PDE3B: variants seen among roughly 807,000 people sequenced by gnomAD.
The protein encoded by PDE3B is phosphodiesterase 3B.
Under a neutral mutation model 116.8 loss-of-function variants are expected in PDE3B, and 66 were observed. That is an observed-to-expected ratio of 0.56 (90% confidence interval 0.46 to 0.69). PDE3B has a LOEUF of 0.69. PDE3B is among the 30% of genes least tolerant of loss of function. The pLI is 0.00. For synonymous variants in PDE3B, 595 were observed against 533.6 expected, an observed-to-expected ratio of 1.12 and a Z score of -1.59; for missense variants, 1,384 against 1,368.1, an observed-to-expected ratio of 1.01 and a Z score of -0.18.
At chr11:14,778,127 C>T (rs940737751) in intron 2 of PDE3B, among the ~76,000 whole-genome samples, 10 of 152,130 alleles carry the variant, frequency 6.6e-5, no homozygotes, top group African/African-American at 2.4e-4. Flanking sequence ...GAGGGGTGCC[C>T]ACCATTGCTG....
At chr11:14,796,962 G>A (rs375547396) in intron 4 of PDE3B, among the ~76,000 whole-genome samples, 1 of 152,168 alleles carries the variant, frequency 6.6e-6, no homozygotes, top group Non-Finnish European at 1.5e-5. Flanking sequence ...GAATGGTATT[G>A]CCTAGGTTTT....
chr11:14,857,535 T>C (rs1166704917), intron 12 of PDE3B, among the ~76,000 whole-genome samples: 1 of 152,214 alleles, frequency 6.6e-6, no homozygotes, highest in Non-Finnish European at 1.5e-5. Context: ...TTTTCCTTCT[T>C]ATGCAGTGAC....
Position 14,644,319 on chromosome 11 carries a change from C to T in PDE3B, c.244C>T (p.Leu82=), listed in dbSNP as rs942630281. The change falls in exon 1 of 16, where the codon CTG becomes TTG. Residue 82 remains leucine (L), a synonymous_variant. Transcript: ENST00000282096. ...CCCCTTCTGCCGGGCGCGCCTCTCG[C>T]TGGGCGCCCTGGCTGCCTTTGTCCT... ...CSPFCRARLS[L]GALAAFVLAL... is the part of the protein sequence containing the mutation. 1.3e-6 allele frequency: 2 copies of T among 1,568,096 alleles called. No homozygotes were observed. The highest frequency in any genetic ancestry group is 1.2e-5 in the South Asian group (1 of 86,786).
At chr11:14,885,119 G>C in the PDE3B span, among the ~76,000 whole-genome samples, 5 of 152,136 alleles carry the variant, frequency 3.3e-5, no homozygotes, top group African/African-American at 1.2e-4. Flanking sequence ...AATTAAATGT[G>C]AAACTCAGAG....
intron 1 of PDE3B, among the ~76,000 whole-genome samples, chr11:14,691,431 TATC>T (rs1400577089): frequency 6.6e-6 from 1 of 152,208 alleles, no homozygotes; most frequent in Non-Finnish European, 1.5e-5. Context: ...TTAGAGATAT[TATC>T]AAGTATTTTG....
chr11:14,865,582 AG>A (rs1555007920), intron 14 of PDE3B, among the ~76,000 whole-genome samples: 3 of 152,206 alleles, frequency 2.0e-5, no homozygotes, highest in African/African-American at 7.2e-5. Context: ...GCTGTTTATA[AG>A]TTACAAAATG....
intron 1 of PDE3B, among the ~76,000 whole-genome samples, chr11:14,675,011 G>C (rs1310218570): frequency 6.6e-6 from 1 of 152,184 alleles, no homozygotes; most frequent in East Asian, 1.9e-4. Flanking sequence ...AGGTATAAAG[G>C]ATACGGATGT....
the PDE3B span, chr11:14,877,894 C>T: frequency 5.8e-6 from 3 of 514,016 alleles, no homozygotes; most frequent in Admixed American, 7.0e-5. Context: ...CCATCATTTG[C>T]ACCTTTGTGT....
chr11:14,652,032 C>T (rs1235386331), intron 1 of PDE3B, among the ~76,000 whole-genome samples: 4 of 152,234 alleles, frequency 2.6e-5, no homozygotes, highest in South Asian at 4.1e-4. Flanking sequence ...TAAATCACTG[C>T]AAATTCAATG....
At position 14,692,196 on chromosome 11, in the gene PDE3B, C is replaced by T. The variant is rs183709968; in HGVS notation, c.978+47143C>T. 2.5e-3 allele frequency among the ~76,000 whole-genome samples: 385 copies of T among 152,142 alleles called. 1 individual carries two copies. Among genetic ancestry groups the T allele is most frequent in the African/African-American group, 8.8e-3 (366 of 41,502 alleles). The stretch of plus-strand genomic sequence containing the variant: ...GGCTGAGGCAGGAGGATCCTTTGAG[C>T]CCAGGAATTTGAGGCTGCAGTAAGC... On this transcript the variant is annotated intron_variant, in intron 1 of 15. Coordinates refer to ENST00000282096, the MANE Select transcript of PDE3B (RefSeq NM_000922.4).
At chr11:14,817,801 T>G (rs1859380666) in intron 5 of PDE3B, among the ~76,000 whole-genome samples, 1 of 152,140 alleles carries the variant, frequency 6.6e-6, no homozygotes. Context: ...TCAATAAAAT[T>G]TGGTAGAGAT....
chr11:14,658,172 A>G (rs779325278), intron 1 of PDE3B, among the ~76,000 whole-genome samples: 2 of 152,142 alleles, frequency 1.3e-5, no homozygotes, highest in East Asian at 1.9e-4. Context: ...GTAAGTCACT[A>G]TCCTCCTTCT....
At chr11:14,722,502 G>A (rs1288490629) in intron 1 of PDE3B, among the ~76,000 whole-genome samples, 3 of 152,264 alleles carry the variant, frequency 2.0e-5, no homozygotes, top group South Asian at 2.1e-4. Context: ...AATTTATTCC[G>A]TTTTGTAAGA....
At chr11:14,663,373 A>G (rs922944577) in intron 1 of PDE3B, among the ~76,000 whole-genome samples, 3 of 152,212 alleles carry the variant, frequency 2.0e-5, no homozygotes, top group African/African-American at 4.8e-5. Context: ...TGTAAAGACC[A>G]TCAAGGCTAG....
At chr11:14,692,791 G>A (rs751748872) in intron 1 of PDE3B, among the ~76,000 whole-genome samples, 1 of 152,066 alleles carries the variant, frequency 6.6e-6, no homozygotes, top group African/African-American at 2.4e-5. Flanking sequence ...AAAATGGGCC[G>A]ATTAATAATC....
rs1859808569 is a variant in PDE3B, at chr11:14,829,662, G to A, written c.1808-1036G>A. Among the ~76,000 whole-genome samples the A allele has an allele frequency of 2.6e-5, 4 of 152,050 alleles. No individual in the cohort carries two copies. The South Asian group carries it at 8.3e-4, about 32-fold the overall frequency. On this transcript the variant is annotated intron_variant, in intron 7 of 15. Transcript: ENST00000282096. ...TGACGAGAACACATGGACATAAAGAGGAGAACAACAGATACTGGGGCCTAC... is the reference window on the plus strand; with the variant it reads ...TGACGAGAACACATGGACATAAAGAAGAGAACAACAGATACTGGGGCCTAC...
chr11:14,867,918 C>A (rs549465380), intron 15 of PDE3B, among the ~76,000 whole-genome samples, 160 bp downstream of exon 15: 2 of 152,088 alleles, frequency 1.3e-5, no homozygotes, highest in African/African-American at 2.4e-5. Flanking sequence ...TCAGATTTTT[C>A]AATTAGGGGT....
In PDE3B at chr11:14,789,150, C is replaced by G. The variant is rs1460591854; in HGVS notation, c.1323C>G (p.Ser441Arg). 2 of 1,610,586 alleles carry G rather than the reference C, an allele frequency of 1.2e-6. No individual in the cohort carries two copies. Among genetic ancestry groups the G allele is most frequent in the African/African-American group, 2.7e-5 (2 of 74,712 alleles). ...NSLPTPQLRRSSGTSGLLPVE... is the reference protein window; with the variant it reads ...NSLPTPQLRRRSGTSGLLPVE... ...TGCCAACTCCACAGCTGAGGAGAAG[C>G]TCAGGAACTTCAGGATTGCTACCTG... The change falls in exon 4 of 16, where the codon AGC becomes AGG. Residue 441 changes from serine (S) to arginine (R), a missense_variant. Coordinates refer to ENST00000282096, the MANE Select transcript of PDE3B (RefSeq NM_000922.4).
At chr11:14,851,255 A>T (rs1847744163) in intron 12 of PDE3B, among the ~76,000 whole-genome samples, 1 of 152,068 alleles carries the variant, frequency 6.6e-6, no homozygotes, top group Non-Finnish European at 1.5e-5. Context: ...CTTTATGAAG[A>T]GTAGGTGCTC....
Sources: allele counts gnomAD v4.1 joint callset (sites outside exome capture counted in the v4.1 genomes callset), GRCh38; gene constraint gnomAD v4.1.1; transcripts MANE v1.5; gene names NCBI Gene and HGNC (gene_info 2026-07-23, HGNC 2026-07-21).